EML1: variants seen among roughly 807,000 people sequenced by gnomAD.
EML1 encodes EMAP like 1.
Under a neutral mutation model 110.4 loss-of-function variants are expected in EML1, and 27 were observed. The ratio of observed to expected loss-of-function variants is 0.24; its 90% CI spans 0.18 to 0.34. The LOEUF is 0.34. Among genes scored for constraint, EML1 ranks in the 10% least tolerant of loss-of-function variants. The probability of loss-of-function intolerance (pLI) is 1.00; values close to 1 mark genes in which losing one functional copy is unlikely to be tolerated. For synonymous variants in EML1, 344 were observed against 385.8 expected, an observed-to-expected ratio of 0.89 and a Z score of 1.27; for missense variants, 741 against 1,030.9, an observed-to-expected ratio of 0.72 and a Z score of 3.85.
At position 99,936,167 on chromosome 14, in the gene EML1, G is replaced by A. The variant is rs76609081; in HGVS notation, c.2007+41G>A. ...GGACCTGTCGCTTCTCATGCACTGC[G>A]TATAGTTTAACTACCGTGGAACAGT... On this transcript the variant is annotated intron_variant, in intron 18 of 21. Transcript: ENST00000262233. The surrounding 1 kb of genome is among the most constrained non-coding windows in gnomAD (Gnocchi z 5.5). The A allele has an allele frequency of 4.8e-4, 773 of 1,612,488 alleles. 4 individuals carry two copies. The African/African-American group carries it at 7.7e-3, about 16-fold the overall frequency.
chr14:99,762,703 G>A (rs183152546), intron 1 of EML1, among the ~76,000 whole-genome samples: 23 of 152,308 alleles, frequency 1.5e-4, no homozygotes, highest in African/African-American at 4.1e-4. Context: ...AGAGGCTGAG[G>A]TGGGAGGTTC....
intron 19 of EML1, among the ~76,000 whole-genome samples, chr14:99,937,318 A>G (rs1199882807): frequency 6.6e-6 from 1 of 152,170 alleles, no homozygotes; most frequent in Non-Finnish European, 1.5e-5. Context: ...CTGGGTCTAG[A>G]GCCTTCTCAG....
At chr14:99,895,042 T>C (rs1224271016) in intron 6 of EML1, among the ~76,000 whole-genome samples, 2 of 152,216 alleles carry the variant, frequency 1.3e-5, no homozygotes, top group East Asian at 1.9e-4. Flanking sequence ...ATGTTCATTA[T>C]TTTGCTGAAA....
At chr14:99,887,047 AGACTGCACTGCTGTCTGTTGGTT>A (rs1046036167) in intron 4 of EML1, among the ~76,000 whole-genome samples, 3 of 152,178 alleles carry the variant, frequency 2.0e-5, no homozygotes, top group African/African-American at 4.8e-5. Context: ...CTCCCAGCTC[AGACTGCACTGCTGTCTGTTGGTT>A]GACTGCACTG....
intron 2 of EML1, among the ~76,000 whole-genome samples, chr14:99,858,391 G>T (rs2058943267): frequency 6.6e-6 from 1 of 151,968 alleles, no homozygotes; most frequent in Non-Finnish European, 1.5e-5. Context: ...CTCCATGTTG[G>T]TCAGGCTGGT....
chr14:99,906,349 G>A (rs975648194), intron 9 of EML1, among the ~76,000 whole-genome samples: 3 of 152,296 alleles, frequency 2.0e-5, no homozygotes, highest in South Asian at 2.1e-4. Flanking sequence ...GAGCAGCCCC[G>A]AGGGCTGCTG....
intron 17 of EML1, among the ~76,000 whole-genome samples, chr14:99,921,428 C>T (rs934515178): frequency 2.6e-5 from 4 of 152,328 alleles, no homozygotes; most frequent in Non-Finnish European, 5.9e-5. Flanking sequence ...AAAAATTTCA[C>T]AAGCCTCCTC....
At chr14:99,826,313 A>AT (rs1395443019) in intron 1 of EML1, among the ~76,000 whole-genome samples, 1 of 151,952 alleles carries the variant, frequency 6.6e-6, no homozygotes, top group Non-Finnish European at 1.5e-5. Context: ...GGGTTTTGCC[A>AT]TGTTGGCCAG....
intron 1 of EML1, among the ~76,000 whole-genome samples, chr14:99,818,609 C>T (rs76978930): frequency 6.2e-4 from 95 of 152,252 alleles, no homozygotes; most frequent in African/African-American, 2.2e-3. Flanking sequence ...GTGCATCACT[C>T]TATCTTCAGG....
At chr14:99,820,243 T>A (rs1489250598) in intron 1 of EML1, among the ~76,000 whole-genome samples, 6 of 152,220 alleles carry the variant, frequency 3.9e-5, no homozygotes, top group Non-Finnish European at 1.5e-5. Flanking sequence ...ACACAGTATT[T>A]TGTTTTATTG....
chr14:99,738,704 A>C (rs949995810), intron 1 of EML1, among the ~76,000 whole-genome samples: 9 of 152,204 alleles, frequency 5.9e-5, no homozygotes, highest in African/African-American at 2.2e-4. Context: ...GTGAAAATTA[A>C]ATTTATGATA....
At chr14:99,738,218 G>C (rs543669167) in intron 1 of EML1, among the ~76,000 whole-genome samples, 2 of 152,220 alleles carry the variant, frequency 1.3e-5, no homozygotes, top group African/African-American at 4.8e-5. Flanking sequence ...GCATGCAGAC[G>C]AGTGTGTGTG....
chr14:99,940,182 T>G lies in EML1; in HGVS notation c.*70T>G. The stretch of plus-strand genomic sequence containing the variant: ...AGACTCGCATTACCCTTGGTCACTG[T>G]GATTTCTGTTTTGTTTAAAAAATTC... On this transcript the variant is annotated 3_prime_UTR_variant, in exon 22 of 22. Transcript: ENST00000262233. The G allele has an allele frequency of 7.2e-7, 1 of 1,388,236 alleles. No homozygotes were observed. The allele number at this position is 1,388,236 out of a possible 1,614,324, so 86.0% of individuals were successfully genotyped here.
chr14:99,874,467 C>T (rs992595356), intron 3 of EML1, among the ~76,000 whole-genome samples: 2 of 152,194 alleles, frequency 1.3e-5, no homozygotes, highest in African/African-American at 4.8e-5. Flanking sequence ...ATTTTTCACT[C>T]GCCGTCCAGA....
chr14:99,806,662 G>C (rs2057982064), intron 1 of EML1, among the ~76,000 whole-genome samples: 2 of 152,076 alleles, frequency 1.3e-5, no homozygotes. Context: ...CCCCAAGCAA[G>C]AGCCAGTACA....
chr14:99,814,274 A>T (rs576085379), intron 1 of EML1, among the ~76,000 whole-genome samples: 2 of 152,252 alleles, frequency 1.3e-5, no homozygotes, highest in South Asian at 2.1e-4. Context: ...TTTTATTTTT[A>T]TTTAAATTTT....
chr14:99,803,270 A>G (rs2057915292), intron 1 of EML1, among the ~76,000 whole-genome samples: 1 of 152,248 alleles, frequency 6.6e-6, no homozygotes, highest in African/African-American at 2.4e-5. Flanking sequence ...CACATGTGAC[A>G]GGTGCATGCC....
chr14:99,903,311 A>G (rs1410913391), intron 9 of EML1, among the ~76,000 whole-genome samples: 2 of 152,206 alleles, frequency 1.3e-5, no homozygotes, highest in African/African-American at 4.8e-5. Flanking sequence ...TCAGCTCCCC[A>G]TGAGAGTCCT....
chr14:99,857,542 C>T (rs902532787), intron 2 of EML1, among the ~76,000 whole-genome samples: 5 of 152,130 alleles, frequency 3.3e-5, no homozygotes, highest in Admixed American at 2.6e-4. Context: ...TTGTATCACC[C>T]GGAAAGAAAC....
Sources: gnomAD v4.1 joint callset for allele counts (sites outside exome capture counted in the v4.1 genomes callset) on GRCh38, gnomAD v4.1.1 for gene constraint, Gnocchi (gnomAD v3.1) non-coding constraint, MANE v1.5 for transcripts, NCBI Gene and HGNC (gene_info 2026-07-23, HGNC 2026-07-21) for gene names.